Variants in PCDH11X observed in about 807,000 individuals in gnomAD.
The protein encoded by PCDH11X is protocadherin 11 X-linked.
PCDH11X carries 18 observed loss-of-function variants against 53.3 expected under a neutral mutation model. The observed-to-expected ratio is 0.34, with a 90% CI of 0.23 to 0.50. The LOEUF is 0.50. PCDH11X is among the 20% of genes least tolerant of loss of function. PCDH11X has a pLI of 0.98. For synonymous variants in PCDH11X, 279 were observed against 393.3 expected (o/e 0.71, Z 3.44); for missense variants, 570 against 1,032.4 (o/e 0.55, Z 6.14).
intron 6 of PCDH11X, among the ~76,000 whole-genome samples, chrX:92,090,477 T>C (rs2064030930): frequency 9.0e-6 from 1 of 111,672 alleles, no homozygotes; most frequent in Non-Finnish European, 1.9e-5. Flanking sequence ...AATGCCAGTT[T>C]CGATTCATCA....
intron 6 of PCDH11X, among the ~76,000 whole-genome samples, chrX:92,075,108 C>A (rs2063755035): frequency 9.1e-6 from 1 of 109,583 alleles, no homozygotes; most frequent in South Asian, 3.9e-4. Context: ...GGTAATTACA[C>A]AGAGGGATTG....
chrX:91,794,213 C>A (rs1333537844), intron 1 of PCDH11X, among the ~76,000 whole-genome samples: 1 of 112,306 alleles, frequency 8.9e-6, no homozygotes, highest in African/African-American at 3.2e-5. Context: ...ACACTTCAAA[C>A]AACCCTGTGG....
intron 8 of PCDH11X, among the ~76,000 whole-genome samples, chrX:92,312,621 T>A (rs5984171): frequency 0.39 from 42,766 of 109,004 alleles, 7,075 homozygotes; most frequent in East Asian, 0.65. Flanking sequence ...TATCTAAAAT[T>A]GTTTTCCAAT....
intron 6 of PCDH11X, among the ~76,000 whole-genome samples, chrX:91,966,854 C>T (rs1169905816): frequency 1.8e-5 from 2 of 109,654 alleles, no homozygotes; most frequent in Non-Finnish European, 3.8e-5. Flanking sequence ...ATGTGCAGAC[C>T]GTGCAGGTTT....
intron 6 of PCDH11X, among the ~76,000 whole-genome samples, chrX:91,927,598 C>T (rs1038457562): frequency 1.6e-4 from 18 of 111,666 alleles, no homozygotes; most frequent in Non-Finnish European, 3.0e-4. Context: ...AGATTTTAGA[C>T]TCACGAAGCT....
intron 10 of PCDH11X, among the ~76,000 whole-genome samples, chrX:92,510,244 G>A (rs1186176069): frequency 2.0e-5 from 2 of 101,921 alleles, no homozygotes; most frequent in Non-Finnish European, 4.0e-5. Context: ...GTCTATAGAG[G>A]TATCCTAATC....
intron 8 of PCDH11X, among the ~76,000 whole-genome samples, chrX:92,284,746 G>T (rs190047680): frequency 8.9e-5 from 10 of 112,148 alleles, no homozygotes; most frequent in African/African-American, 2.9e-4. Context: ...ATTTTCTAAT[G>T]TAATATATAG....
At chrX:92,156,616 G>A (rs969380341) in intron 6 of PCDH11X, among the ~76,000 whole-genome samples, 2 of 111,806 alleles carry the variant, frequency 1.8e-5, no homozygotes, top group African/African-American at 6.5e-5. Context: ...TGTATTGCCA[G>A]CACCTAGTAG....
chrX:92,084,086 G>A (rs1416123199), intron 6 of PCDH11X, among the ~76,000 whole-genome samples: 2 of 92,895 alleles, frequency 2.2e-5, no homozygotes, highest in East Asian at 7.6e-4. Context: ...GCAAGACTCT[G>A]TCAAAAACAA....
chrX:92,050,055 A>G (rs1467768992), intron 6 of PCDH11X, among the ~76,000 whole-genome samples: 1 of 111,954 alleles, frequency 8.9e-6, no homozygotes, highest in African/African-American at 3.2e-5. Flanking sequence ...GATTACAGGC[A>G]TGAGCCACCA....
chrX:92,024,733 A>AAAAAC (rs1569314225), intron 6 of PCDH11X, among the ~76,000 whole-genome samples: 4 of 106,784 alleles, frequency 3.7e-5, no homozygotes, highest in African/African-American at 1.4e-4. Context: ...AAAAAAAAAA[A>AAAAAC]AAAACAAAAC....
At chrX:92,375,475 G>A (rs868382159) in intron 8 of PCDH11X, among the ~76,000 whole-genome samples, 98 of 101,619 alleles carry the variant, frequency 9.6e-4, no homozygotes, top group Middle Eastern at 0.01. Flanking sequence ...ACCGAACCTG[G>A]CCCATTCATT....
At chrX:92,044,112 A>AT (rs930578657) in intron 6 of PCDH11X, among the ~76,000 whole-genome samples, 72 of 110,729 alleles carry the variant, frequency 6.5e-4, no homozygotes, top group African/African-American at 2.3e-3. Flanking sequence ...CAGGATTTGA[A>AT]TTTTTTTAAT....
At chrX:92,425,807 A>T (rs1305569222) in intron 9 of PCDH11X, among the ~76,000 whole-genome samples, 1 of 80,964 alleles carries the variant, frequency 1.2e-5, no homozygotes, top group African/African-American at 4.5e-5. Context: ...TAGACTGAGA[A>T]GAGGTTAGTA....
chrX:91,875,113 G>A (rs1314251589), intron 5 of PCDH11X, among the ~76,000 whole-genome samples: 2 of 109,516 alleles, frequency 1.8e-5, no homozygotes, highest in Non-Finnish European at 3.8e-5. Context: ...GTCCTCCTCC[G>A]ATCTTTTCTT....
chrX:92,337,440 G>A (rs184514770), intron 8 of PCDH11X, among the ~76,000 whole-genome samples: 56 of 108,826 alleles, frequency 5.1e-4, no homozygotes, highest in African/African-American at 1.8e-3. Context: ...TAGCATCACA[G>A]GAAAAAAATG....
intron 6 of PCDH11X, among the ~76,000 whole-genome samples, chrX:92,057,033 C>T (rs1188379387): frequency 9.0e-6 from 1 of 110,712 alleles, no homozygotes. Flanking sequence ...TAAAGCGAGT[C>T]CTCAAAATGA....
intron 6 of PCDH11X, chrX:92,113,525 C>T: frequency 3.2e-5 from 38 of 1,200,129 alleles, no homozygotes; most frequent in East Asian, 5.9e-5. Flanking sequence ...CTCGTGATCA[C>T]GTCTCGCTCC....
intron 5 of PCDH11X, among the ~76,000 whole-genome samples, chrX:91,857,210 G>A (rs5984131): frequency 0.12 from 13,043 of 110,391 alleles, 1,935 homozygotes; most frequent in African/African-American, 0.41. Flanking sequence ...TCCTTTTTAT[G>A]AAACCATCAG....
Sources: gnomAD v4.1 joint callset for allele counts (sites outside exome capture counted in the v4.1 genomes callset) on GRCh38, gnomAD v4.1.1 for gene constraint, MANE v1.5 for transcripts, NCBI Gene and HGNC (gene_info 2026-07-23, HGNC 2026-07-21) for gene names.